Variants in DZIP3 observed in about 807,000 individuals in gnomAD.
DZIP3 encodes E3 ubiquitin-protein ligase DZIP3.
A neutral mutation model predicts 162.0 loss-of-function variants in DZIP3; 118 were observed. That is an observed-to-expected ratio of 0.73 (90% CI 0.63 to 0.85). The LOEUF is 0.85. DZIP3 is among the 40% of genes least tolerant of loss of function. DZIP3 has a pLI of 0.00. For synonymous variants in DZIP3, 438 were observed against 458.6 expected (o/e 0.96, Z 0.57); for missense variants, 1,331 against 1,407.0 (o/e 0.95, Z 0.86).
intron 16 of DZIP3, 196 bp downstream of exon 16, chr3:108,648,308 A>G: frequency 2.2e-6 from 1 of 461,428 alleles, no homozygotes; most frequent in East Asian, 3.7e-5. Flanking sequence ...ATAACCATTT[A>G]TTTTGCCACC....
rs377538135 is a variant in DZIP3, at chr3:108,642,300, G to A, written c.1065-138G>A. 4.2e-5 allele frequency: 41 copies of A among 982,394 alleles called. No homozygotes were observed. The East Asian group carries it at 7.0e-4, about 17-fold the overall frequency. The allele number at this position is 982,394 out of a possible 1,614,324, so 60.9% of individuals were successfully genotyped here. On this transcript the variant is annotated intron_variant, in intron 12 of 32. Transcript: ENST00000361582. The stretch of plus-strand genomic sequence containing the variant: ...TTTTCATTGTTGGTGAGCTCTATTT[G>A]TTCATTATTTTTTCTCCTTCTTGAA...
At chr3:108,618,844 C>T (rs552133133) in intron 5 of DZIP3, among the ~76,000 whole-genome samples, 1 of 151,884 alleles carries the variant, frequency 6.6e-6, no homozygotes, top group Non-Finnish European at 1.5e-5. Context: ...GGGCAGATCA[C>T]GAGGTCAGGA....
intron 19 of DZIP3, among the ~76,000 whole-genome samples, chr3:108,655,968 G>A (rs1576425603): frequency 6.6e-6 from 1 of 152,220 alleles, no homozygotes; most frequent in Non-Finnish European, 1.5e-5. Flanking sequence ...CCATTGCCAA[G>A]GCTTGAGTAG....
intron 1 of DZIP3, among the ~76,000 whole-genome samples, chr3:108,598,579 T>C (rs1167421338): frequency 2.0e-5 from 3 of 152,188 alleles, no homozygotes; most frequent in African/African-American, 7.2e-5. Flanking sequence ...CCAATTTTCT[T>C]ACATGGGGTG....
intron 26 of DZIP3, among the ~76,000 whole-genome samples, chr3:108,678,984 A>G (rs769369686): frequency 8.5e-5 from 13 of 152,102 alleles, no homozygotes; most frequent in Non-Finnish European, 1.9e-4. Flanking sequence ...TTTTTGGTCA[A>G]TTCAGTTTCT....
intron 4 of DZIP3, among the ~76,000 whole-genome samples, chr3:108,613,477 A>G (rs1940834380): frequency 6.6e-6 from 1 of 152,218 alleles, no homozygotes; most frequent in African/African-American, 2.4e-5. Context: ...TTCCAGAAGT[A>G]GGACCAAATA....
intron 21 of DZIP3, among the ~76,000 whole-genome samples, chr3:108,667,792 G>A (rs989497292): frequency 1.1e-4 from 17 of 152,092 alleles, no homozygotes; most frequent in African/African-American, 2.7e-4. Flanking sequence ...ATTTTGTAGG[G>A]TAGAGAGAAT....
intron 4 of DZIP3, among the ~76,000 whole-genome samples, chr3:108,614,241 C>T (rs746683269): frequency 1.3e-5 from 2 of 151,942 alleles, no homozygotes; most frequent in Non-Finnish European, 2.9e-5. Context: ...TGTCCAAAAC[C>T]GAAAGCAAAA....
intron 11 of DZIP3, 24 bp from the exon 12 acceptor site, chr3:108,637,472 A>G (rs1559747491): frequency 1.2e-6 from 2 of 1,605,088 alleles, no homozygotes; most frequent in Non-Finnish European, 1.7e-6. Flanking sequence ...CTTTAGGGCT[A>G]TTTTTTTTCC....
At chr3:108,625,728 A>T (rs1941561194) in intron 6 of DZIP3, 117 bp from the exon 7 acceptor site, 1 of 1,001,134 alleles carries the variant, frequency 1.0e-6, no homozygotes, top group Admixed American at 3.3e-5. Context: ...AAATGACCAG[A>T]TGATTGTATT....
intron 12 of DZIP3, 151 bp from the exon 13 acceptor site, chr3:108,642,287 G>C (rs1942431845): frequency 1.2e-6 from 1 of 838,744 alleles, no homozygotes; most frequent in Non-Finnish European, 1.7e-6. Context: ...TTCATTGTTG[G>C]TGAGCTCTAT....
intron 8 of DZIP3, among the ~76,000 whole-genome samples, chr3:108,631,052 C>CACACACAT (rs1168781519): frequency 1.1e-4 from 11 of 102,228 alleles, no homozygotes; most frequent in South Asian, 4.5e-4. Context: ...CACACACACA[C>CACACACAT]ACACTCTCTC....
intron 23 of DZIP3, 31 bp downstream of exon 23, chr3:108,672,687 G>A (rs758699525): frequency 1.8e-5 from 28 of 1,559,322 alleles, no homozygotes; most frequent in Non-Finnish European, 2.4e-5. Context: ...GGGGTATGGG[G>A]TGAGGGGAAA....
chr3:108,623,756 G>A (rs1941473609), intron 5 of DZIP3, among the ~76,000 whole-genome samples: 2 of 152,174 alleles, frequency 1.3e-5, no homozygotes, highest in Admixed American at 1.3e-4. Context: ...TTTTATGTAG[G>A]ACCCCAGAGC....
At chr3:108,627,174 A>G (rs1941625530) in intron 7 of DZIP3, among the ~76,000 whole-genome samples, 1 of 152,264 alleles carries the variant, frequency 6.6e-6, no homozygotes, top group Admixed American at 6.5e-5. Flanking sequence ...GAGAATTAAC[A>G]TAGCCTGAGA....
chr3:108,642,366 T>C, intron 12 of DZIP3, 72 bp from the exon 13 acceptor site: 2 of 1,396,646 alleles, frequency 1.4e-6, no homozygotes, highest in Middle Eastern at 5.2e-4. Context: ...TTAGCCATGC[T>C]CATACTAGAA....
intron 31 of DZIP3, 40 bp from the exon 32 acceptor site, chr3:108,690,747 C>G (rs752383481): frequency 5.1e-6 from 8 of 1,579,022 alleles, no homozygotes; most frequent in South Asian, 4.5e-5. Flanking sequence ...CTCTGCTAGG[C>G]TACATCTGAG....
At chr3:108,665,871 A>G (rs554117122) in intron 21 of DZIP3, among the ~76,000 whole-genome samples, 3 of 152,302 alleles carry the variant, frequency 2.0e-5, no homozygotes, top group South Asian at 4.1e-4. Context: ...TTCTGTAGGA[A>G]TAGAAGGAAA....
intron 14 of DZIP3, 31 bp downstream of exon 14, chr3:108,644,812 A>C: frequency 6.4e-7 from 1 of 1,570,120 alleles, no homozygotes; most frequent in Non-Finnish European, 8.6e-7. Flanking sequence ...TCAGCCAATA[A>C]ACTTCCATTG....
Sources: gnomAD v4.1 joint callset for allele counts (sites outside exome capture counted in the v4.1 genomes callset) on GRCh38, gnomAD v4.1.1 for gene constraint, MANE v1.5 for transcripts, NCBI Gene and HGNC (gene_info 2026-07-23, HGNC 2026-07-21) for gene names.